The following FCRL2 variants were observed in gnomAD, a reference collection of about 807,000 sequenced individuals.
The protein encoded by FCRL2 is Fc receptor like 2, also known as Fc receptor-like protein 2.
In FCRL2, 48 loss-of-function variants were observed where a neutral mutation model predicts 59.8. The ratio of observed to expected loss-of-function variants is 0.80; its 90% CI spans 0.64 to 1.02. The LOEUF (loss-of-function observed/expected upper bound fraction) is 1.02. Ranked by LOEUF, FCRL2 falls within the 50% of genes least tolerant of loss-of-function variation. The pLI is 0.00. For synonymous variants in FCRL2, 251 were observed against 229.5 expected, an observed-to-expected ratio of 1.09 and a Z score of -0.85; for missense variants, 658 against 597.3, an observed-to-expected ratio of 1.10 and a Z score of -1.06.
Position 157,746,772 on chromosome 1 carries a change from G to T in FCRL2, c.1491C>A (p.Asp497Glu). The change falls in exon 12 of 12, where the codon GAC becomes GAA. Residue 497 changes from aspartate to glutamate, a missense_variant and splice_region_variant. Asp to Glu is a conservative substitution (Grantham distance 45, BLOSUM62 2). Coordinates refer to ENST00000361516, the MANE Select transcript of FCRL2 (RefSeq NM_030764.4). ...TCACAGAAGAGTAGATGACTTGGGAGTCCTGGGAGAGACACACAGGAATAA... is the reference window on the plus strand; with the variant it reads ...TCACAGAAGAGTAGATGACTTGGGATTCCTGGGAGAGACACACAGGAATAA... Reference protein sequence around the residue: ...ANIRTLLENKDSQVIYSSVKK... With the variant: ...ANIRTLLENKESQVIYSSVKK... 6.2e-7 allele frequency: 1 copy of T among 1,613,750 alleles called. No homozygotes were observed. Among genetic ancestry groups the T allele is most frequent in the Non-Finnish European group, 8.5e-7 (1 of 1,179,648 alleles).
At chr1:157,760,702 A>AAG (rs1557860403) in intron 7 of FCRL2, among the ~76,000 whole-genome samples, 16 of 79,692 alleles carry the variant, frequency 2.0e-4, no homozygotes, top group Non-Finnish European at 3.1e-4. Flanking sequence ...AAAGAAGGAA[A>AAG]GAAAGAAAGA....
intron 5 of FCRL2, chr1:157,767,865 T>C: frequency 1.8e-6 from 1 of 544,894 alleles, no homozygotes; most frequent in Non-Finnish European, 2.9e-6. Flanking sequence ...CTGGGAAAAC[T>C]GATACATAGG....
intron 7 of FCRL2, among the ~76,000 whole-genome samples, chr1:157,754,060 A>G (rs1438531400): frequency 1.3e-5 from 2 of 152,230 alleles, no homozygotes; most frequent in African/African-American, 4.8e-5. Flanking sequence ...CCTATTGAAG[A>G]ATATTTCTGG....
intron 5 of FCRL2, 40 bp from the exon 6 acceptor site, chr1:157,767,549 G>A (rs149880764): frequency 6.2e-7 from 1 of 1,614,254 alleles, no homozygotes; most frequent in Non-Finnish European, 8.5e-7. Flanking sequence ...GATTTGTGAT[G>A]CCTCAATAGA....
chr1:157,749,773 C>A, intron 7 of FCRL2, 96 bp from the exon 8 acceptor site: 1 of 887,540 alleles, frequency 1.1e-6, no homozygotes, highest in Non-Finnish European at 1.8e-6. Context: ...GCTGGTAAGA[C>A]ATAAGATATA....
At chr1:157,769,770 G>A in intron 4 of FCRL2, 96 bp downstream of exon 4, 2 of 1,437,056 alleles carry the variant, frequency 1.4e-6, no homozygotes, top group African/African-American at 1.4e-5. Context: ...CTTTCCTCAA[G>A]GACAGGAGTT....
chr1:157,766,776 T>C, intron 7 of FCRL2, 79 bp downstream of exon 7: 1 of 1,577,830 alleles, frequency 6.3e-7, no homozygotes, highest in Non-Finnish European at 8.6e-7. Flanking sequence ...TTTTCTCTCT[T>C]CTTTTTTTGT....
chr1:157,771,541 G>A (rs1345266141), intron 2 of FCRL2, among the ~76,000 whole-genome samples: 1 of 152,186 alleles, frequency 6.6e-6, no homozygotes, highest in African/African-American at 2.4e-5. Context: ...CAGTGAAGTA[G>A]AGATTATTTT....
At position 157,770,444 on chromosome 1, in the gene FCRL2, T is replaced by A. The variant is rs1649912366; in HGVS notation, c.275A>T (p.Asp92Val). The A allele has an allele frequency of 6.2e-7, 1 of 1,614,064 alleles. No individual in the cohort carries two copies. Among genetic ancestry groups the A allele is most frequent in the Admixed American group, 1.7e-5 (1 of 59,988 alleles). The change falls in exon 3 of 12, where the codon GAT (aspartate) becomes GTT (valine). Residue 92 changes from aspartate (D) to valine (V), a missense_variant. Physicochemically the swap from Asp to Val is radical, Grantham distance 152 (BLOSUM62 -3). Transcript: ENST00000361516. Reference protein sequence around the residue: ...CSTKGQLFLWDKTSNIVKIKV... With the variant: ...CSTKGQLFLWVKTSNIVKIKV... ...TATCTTTACTATATTTGAAGTTTTA[T>A]CCCAGAGAAAGAGTTGTCCTTTGGT...
intron 10 of FCRL2, 76 bp from the exon 11 acceptor site, chr1:157,746,975 G>A (rs1647796535): frequency 6.9e-7 from 1 of 1,458,292 alleles, no homozygotes; most frequent in African/African-American, 1.4e-5. Context: ...ATGCCCCAGG[G>A]CATAGAACTA....
rs1420936250 is a variant in FCRL2 at position 157,746,501 on chromosome 1, A to G, written c.*235T>C. The G allele has an allele frequency of 5.2e-6, 3 of 573,550 alleles. No individual in the cohort carries two copies. Among genetic ancestry groups the G allele is most frequent in the Non-Finnish European group, 9.4e-6 (3 of 320,842 alleles). 35.5% of individuals were successfully genotyped at this position (573,550 alleles called of 1,614,324 possible). Reference sequence around the variant, plus strand: ...CACTGATTGCTTAAGAGAAGGTAGCAGAAATAATTTATTTGCACAGTGTCT... The same window carrying G: ...CACTGATTGCTTAAGAGAAGGTAGCGGAAATAATTTATTTGCACAGTGTCT... On this transcript the variant is annotated 3_prime_UTR_variant, in exon 12 of 12. Transcript: ENST00000361516.
At chr1:157,765,870 G>A (rs991530065) in intron 7 of FCRL2, among the ~76,000 whole-genome samples, 4 of 152,214 alleles carry the variant, frequency 2.6e-5, no homozygotes, top group African/African-American at 4.8e-5. Flanking sequence ...TTGATTAAAT[G>A]TATTGCAGCT....
At chr1:157,772,208 A>G (rs1378388559) in intron 2 of FCRL2, among the ~76,000 whole-genome samples, 1 of 151,924 alleles carries the variant, frequency 6.6e-6, no homozygotes, top group Non-Finnish European at 1.5e-5. Flanking sequence ...ACAAACAGGA[A>G]AGATTCCTGT....
At chr1:157,767,543 T>C (rs758856362) in intron 5 of FCRL2, 34 bp from the exon 6 acceptor site, 2 of 1,614,254 alleles carry the variant, frequency 1.2e-6, no homozygotes, top group Non-Finnish European at 1.7e-6. Context: ...AGAAAAGATT[T>C]GTGATGCCTC....
In FCRL2 at chr1:157,770,591, TTC is replaced by T; in HGVS notation, c.126_127del (p.Asn43LeufsTer10). ...GTAAGCCATCTTCTGAATTTTCCAG[TTC>T]TGTTCTCCCTGGCATTTCAGAACGA... On this transcript the variant is annotated frameshift_variant, in exon 3 of 12. Transcript: ENST00000361516. LOFTEE classifies it high-confidence loss of function. 1 of 1,614,190 alleles carries T rather than the reference TTC, an allele frequency of 6.2e-7. No individual in the cohort carries two copies. The highest frequency in any genetic ancestry group is 8.5e-7 in the Non-Finnish European group (1 of 1,180,022).
At chr1:157,748,066 T>C (rs1647889622) in intron 10 of FCRL2, among the ~76,000 whole-genome samples, 1 of 152,066 alleles carries the variant, frequency 6.6e-6, no homozygotes, top group Admixed American at 6.5e-5. Flanking sequence ...TACCTCCAGG[T>C]GTCTCTTGCT....
intron 6 of FCRL2, 106 bp from the exon 7 acceptor site, chr1:157,767,077 A>T (rs1053709545): frequency 7.5e-7 from 1 of 1,328,920 alleles, no homozygotes; most frequent in African/African-American, 1.5e-5. Flanking sequence ...GAGATCATTG[A>T]AGTGTAGTCT....
chr1:157,759,448 G>T lies in FCRL2; in HGVS notation c.1279+7407C>A, dbSNP rs182008226. ...CAATAAAAACAAAAAATTGACAAAT[G>T]GGACCTAATTAAACTAAAGAGCTTC... On this transcript the variant is annotated intron_variant, in intron 7 of 11. Transcript: ENST00000361516. Among the ~76,000 whole-genome samples the T allele has an allele frequency of 3.4e-4, 51 of 152,222 alleles. 1 individual carries two copies. In the East Asian group the frequency reaches 5.0e-3, roughly 15 times the overall value.
intron 4 of FCRL2, 132 bp downstream of exon 4, chr1:157,769,733 TG>T: frequency 8.5e-7 from 1 of 1,178,196 alleles, no homozygotes; most frequent in Non-Finnish European, 1.2e-6. Flanking sequence ...GGCCGCAACC[TG>T]GAGGGTTTTT....
Sources: gnomAD v4.1 joint callset for allele counts (sites outside exome capture counted in the v4.1 genomes callset) on GRCh38, gnomAD v4.1.1 for gene constraint, MANE v1.5 for transcripts, NCBI Gene and HGNC (gene_info 2026-07-23, HGNC 2026-07-21) for gene names.